Variants in GPC6 observed in about 807,000 individuals in gnomAD.
GPC6 encodes the protein glypican-6.
A neutral mutation model predicts 55.2 loss-of-function variants in GPC6; 14 were observed. The ratio of observed to expected loss-of-function variants is 0.25; its 90% CI spans 0.17 to 0.40. The LOEUF (loss-of-function observed/expected upper bound fraction) is 0.40, where lower values mean the gene tolerates loss of function less well. Among genes scored for constraint, GPC6 ranks in the 10% least tolerant of loss-of-function variants. The pLI is 1.00. For missense variants in GPC6, 641 were observed against 708.5 expected, an observed-to-expected ratio of 0.90 and a Z score of 1.08; for synonymous variants, 278 against 259.6, an observed-to-expected ratio of 1.07 and a Z score of -0.68.
At chr13:93,832,910 T>C (rs1379853377) in intron 3 of GPC6, among the ~76,000 whole-genome samples, 2 of 152,196 alleles carry the variant, frequency 1.3e-5, no homozygotes, top group Admixed American at 6.5e-5. Flanking sequence ...GCATGGAATA[T>C]AGTCCGTAGG....
intron 4 of GPC6, among the ~76,000 whole-genome samples, chr13:94,160,942 A>T (rs1888141681): frequency 6.6e-6 from 1 of 152,126 alleles, no homozygotes; most frequent in Admixed American, 6.6e-5. Context: ...TTCTAGGGAG[A>T]ACAGTACTGT....
At chr13:94,251,472 A>G (rs1891346741) in intron 4 of GPC6, among the ~76,000 whole-genome samples, 1 of 151,692 alleles carries the variant, frequency 6.6e-6, no homozygotes, top group Admixed American at 6.6e-5. Context: ...GGAAAAAAAA[A>G]AAAACACGGA....
At chr13:93,911,749 A>G (rs987209487) in intron 3 of GPC6, among the ~76,000 whole-genome samples, 2 of 152,250 alleles carry the variant, frequency 1.3e-5, no homozygotes, top group Non-Finnish European at 2.9e-5. Flanking sequence ...GATAATGTGT[A>G]TCTTTCAGTG....
chr13:94,162,587 C>T (rs1404294027), intron 4 of GPC6, among the ~76,000 whole-genome samples: 1 of 152,138 alleles, frequency 6.6e-6, no homozygotes, highest in African/African-American at 2.4e-5. Flanking sequence ...GCCTGGAAAT[C>T]CAGGGTTCTG....
chr13:93,377,849 C>T (rs1874985228), intron 1 of GPC6, among the ~76,000 whole-genome samples: 1 of 152,152 alleles, frequency 6.6e-6, no homozygotes. Context: ...GAAGTCTATT[C>T]TTCAAAAGAA....
In GPC6 at chr13:93,553,865, C is replaced by A. The variant is rs182484486; in HGVS notation, c.319+8444C>A. Among the ~76,000 whole-genome samples the A allele has an allele frequency of 1.3e-4, 18 of 141,994 alleles. No individual in the cohort carries two copies. In the East Asian group the frequency reaches 3.6e-3, roughly 29 times the overall value. 93.2% of individuals were successfully genotyped at this position (141,994 alleles called of 152,430 possible). On this transcript the variant is annotated intron_variant, in intron 2 of 8. Coordinates refer to ENST00000377047, the MANE Select transcript of GPC6 (RefSeq NM_005708.5). ...GAGAGAGAGAAAGAGAGTTGGCCAG[C>A]ACAGTGCCTCGTGCCTGTAATCCCA...
chr13:93,993,080 T>A (rs1433548379), intron 3 of GPC6, among the ~76,000 whole-genome samples: 1 of 152,166 alleles, frequency 6.6e-6, no homozygotes, highest in East Asian at 1.9e-4. Context: ...GAAATGGTAG[T>A]TGATTAGATT....
At chr13:93,523,275 T>A (rs79164918) in intron 1 of GPC6, among the ~76,000 whole-genome samples, 25 of 150,560 alleles carry the variant, frequency 1.7e-4, no homozygotes, top group African/African-American at 5.6e-4. Context: ...TTGTGTATAT[T>A]TATATATGTG....
chr13:93,371,202 C>T (rs188853526), intron 1 of GPC6, among the ~76,000 whole-genome samples: 6 of 151,946 alleles, frequency 3.9e-5, no homozygotes, highest in Admixed American at 3.3e-4. Flanking sequence ...GTTAATGATT[C>T]GGGAAATATT....
chr13:94,250,396 G>T (rs919492073), intron 4 of GPC6, among the ~76,000 whole-genome samples: 13 of 152,102 alleles, frequency 8.5e-5, no homozygotes, highest in Non-Finnish European at 1.5e-4. Context: ...TTCACACCAT[G>T]TGGAAATATT....
chr13:93,346,203 A>G (rs1287733330), intron 1 of GPC6, among the ~76,000 whole-genome samples: 2 of 152,190 alleles, frequency 1.3e-5, no homozygotes, highest in Non-Finnish European at 2.9e-5. Context: ...GAAGAATGAA[A>G]CACACCAAAT....
chr13:93,596,588 GAAAT>G (rs1309800325), intron 2 of GPC6, among the ~76,000 whole-genome samples: 23 of 139,860 alleles, frequency 1.6e-4, no homozygotes, highest in Admixed American at 7.0e-4. Flanking sequence ...AAAAGGATGT[GAAAT>G]AAATAAATAA....
At chr13:94,067,533 T>A (rs1884563100) in intron 4 of GPC6, among the ~76,000 whole-genome samples, 1 of 151,786 alleles carries the variant, frequency 6.6e-6, no homozygotes, top group Non-Finnish European at 1.5e-5. Context: ...CAATATGGGG[T>A]GTGCTTAATA....
chr13:93,326,342 C>T (rs1042325578), intron 1 of GPC6, among the ~76,000 whole-genome samples: 1 of 152,148 alleles, frequency 6.6e-6, no homozygotes, highest in Non-Finnish European at 1.5e-5. Context: ...TTACTTATTA[C>T]TGCCAGGTGA....
At position 93,240,852 on chromosome 13, in the gene GPC6, C is replaced by T. The variant is rs369636117; in HGVS notation, c.160+13236C>T. Among the ~76,000 whole-genome samples the T allele has an allele frequency of 1.8e-4, 28 of 152,128 alleles. No individual in the cohort carries two copies. The East Asian group carries it at 1.9e-3, about 11-fold the overall frequency. On this transcript the variant is annotated intron_variant, in intron 1 of 8. Coordinates refer to ENST00000377047, the MANE Select transcript of GPC6 (RefSeq NM_005708.5). ...CAGTCTAGTGGTGACAGATTCTCTC[C>T]GAGTTTGCTTTACTGGGAGAGACCT...
chr13:94,147,450 T>C (rs749100422), intron 4 of GPC6, among the ~76,000 whole-genome samples: 7 of 152,210 alleles, frequency 4.6e-5, no homozygotes, highest in Non-Finnish European at 1.0e-4. Flanking sequence ...GTTATCTCAA[T>C]GCTCTAAGCC....
intron 2 of GPC6, among the ~76,000 whole-genome samples, chr13:93,725,619 A>G (rs1467401038): frequency 6.6e-6 from 1 of 152,078 alleles, no homozygotes; most frequent in Non-Finnish European, 1.5e-5. Flanking sequence ...TGCAGTTTAC[A>G]GTTTATACAG....
At chr13:93,981,615 AT>A (rs1260054499) in intron 3 of GPC6, among the ~76,000 whole-genome samples, 5 of 152,240 alleles carry the variant, frequency 3.3e-5, no homozygotes, top group African/African-American at 1.2e-4. Flanking sequence ...TCATTACTAT[AT>A]CCTGGTTTAA....
At chr13:94,367,117 A>G (rs904732029) in intron 6 of GPC6, among the ~76,000 whole-genome samples, 1 of 152,226 alleles carries the variant, frequency 6.6e-6, no homozygotes, top group Non-Finnish European at 1.5e-5. Context: ...ATTTAAATAG[A>G]GTCTAAATGA....
Sources: gnomAD v4.1 joint callset for allele counts (sites outside exome capture counted in the v4.1 genomes callset) on GRCh38, gnomAD v4.1.1 for gene constraint, MANE v1.5 for transcripts, NCBI Gene and HGNC (gene_info 2026-07-23, HGNC 2026-07-21) for gene names.